Variants in AVPR1A observed in about 807,000 individuals in gnomAD.
AVPR1A encodes arginine vasopressin receptor 1A.
In AVPR1A, 31 loss-of-function variants were observed where a neutral mutation model predicts 31.5. That is an observed-to-expected ratio of 0.99 (90% CI 0.74 to 1.33). AVPR1A has a LOEUF of 1.33. Among genes scored for constraint, AVPR1A ranks in the 40% most tolerant of loss-of-function variants. The pLI is 0.00. For missense variants in AVPR1A, 570 were observed against 575.2 expected (o/e 0.99, Z 0.09); for synonymous variants, 243 against 233.2 (o/e 1.04, Z -0.38).
In AVPR1A at chr12:63,144,526, G is replaced by T. The variant is rs1213429783; in HGVS notation, c.*2833C>A. The T allele has an allele frequency of 1.3e-5, 2 of 152,164 alleles. No individual in the cohort carries two copies. Among genetic ancestry groups the T allele is most frequent in the African/African-American group, 4.8e-5 (2 of 41,438 alleles). The allele number at this position is 152,164 out of a possible 1,614,324, so 9.4% of individuals were successfully genotyped here. On this transcript the variant is annotated 3_prime_UTR_variant, in exon 2 of 2. Coordinates refer to ENST00000299178, the MANE Select transcript of AVPR1A (RefSeq NM_000706.5). ...GCTGCAACACATTTTTTTCTTGACT[G>T]TAAGCTGTTATTTGGCATAATATCT...
In AVPR1A at chr12:63,147,249, T is replaced by C. The variant is rs1592331992; in HGVS notation, c.*110A>G. On this transcript the variant is annotated 3_prime_UTR_variant, in exon 2 of 2. Coordinates refer to ENST00000299178, the MANE Select transcript of AVPR1A (RefSeq NM_000706.5). The stretch of plus-strand genomic sequence containing the variant: ...GAAACACAGTCTCATACACAATGAA[T>C]TGATTTATGGTTATATTAATAAAGT... 3.1e-6 allele frequency: 4 copies of C among 1,289,328 alleles called. No homozygotes were observed. The highest frequency in any genetic ancestry group is 4.8e-5 in the East Asian group (2 of 42,008). The allele number at this position is 1,289,328 out of a possible 1,614,324, so 79.9% of individuals were successfully genotyped here.
chr12:63,150,618 C>T lies in AVPR1A; in HGVS notation c.219G>A (p.Leu73=). The part of the protein sequence containing the change: ...AVAVLGNSSV[L]LALHRTPRKT... ...TGCGCGGCGTCCGGTGCAGAGCCAG[C>T]AGTACGCTGCTGTTGCCCAGCACGG... The change falls in exon 1 of 2, where the codon CTG becomes CTA. Residue 73 remains leucine, a synonymous_variant. Coordinates refer to ENST00000299178, the MANE Select transcript of AVPR1A (RefSeq NM_000706.5). The surrounding 1 kb of genome is among the most constrained non-coding windows in gnomAD (Gnocchi z 4.9). 6.2e-7 allele frequency: 1 copy of T among 1,609,862 alleles called. No homozygotes were observed.
At position 63,145,507 on chromosome 12, in the gene AVPR1A, C is replaced by T. The variant is rs181656632; in HGVS notation, c.*1852G>A. 2.9e-4 allele frequency: 101 copies of T among 353,678 alleles called. No homozygotes were observed. The highest frequency in any genetic ancestry group is 2.0e-3 in the African/African-American group (94 of 46,454). 21.9% of individuals were successfully genotyped at this position (353,678 alleles called of 1,614,324 possible). A position where few individuals can be genotyped will look rare whatever the true frequency, so the allele number is the denominator to read the frequency against. ...GGGTGTGGTGGCACATGCATATAGT[C>T]CCAGCTACTCGGGAGGCTGAGGCAG... On this transcript the variant is annotated 3_prime_UTR_variant, in exon 2 of 2. Coordinates refer to ENST00000299178, the MANE Select transcript of AVPR1A (RefSeq NM_000706.5).
rs1179194197 is a variant in AVPR1A, at chr12:63,146,022, A to G, written c.*1337T>C. 6.6e-6 allele frequency: 1 copy of G among 152,290 alleles called. No individual in the cohort carries two copies. Among genetic ancestry groups the G allele is most frequent in the Non-Finnish European group, 1.5e-5 (1 of 68,098 alleles). 9.4% of individuals were successfully genotyped at this position (152,290 alleles called of 1,614,324 possible). Reference sequence around the variant, plus strand: ...AACCAATTCTAGTTAATGAAAAATAAACTGGAAAACATCTGTGCAATTTTG... The same window carrying G: ...AACCAATTCTAGTTAATGAAAAATAGACTGGAAAACATCTGTGCAATTTTG... On this transcript the variant is annotated 3_prime_UTR_variant, in exon 2 of 2. Transcript: ENST00000299178.
rs563622430 is a variant in AVPR1A, at chr12:63,150,450, G to T, written c.387C>A (p.His129Gln). ...ACGCAAACATGCCGAACACCTGCAG[G>T]TGCTTCACCACGCGGCACAGCCAGT... Reference protein sequence around the residue: ...GPDWLCRVVKHLQVFGMFASA... With the variant: ...GPDWLCRVVKQLQVFGMFASA... The change falls in exon 1 of 2, where the codon CAC (histidine) becomes CAA (glutamine). Residue 129 changes from histidine (H) to glutamine (Q), a missense_variant. Transcript: ENST00000299178. The surrounding 1 kb of genome is among the most constrained non-coding windows in gnomAD (Gnocchi z 4.9). The T allele has an allele frequency of 3.0e-5, 48 of 1,613,500 alleles. No individual in the cohort carries two copies. The highest frequency in any genetic ancestry group is 3.3e-4 in the Middle Eastern group (2 of 6,082).
At position 63,146,471 on chromosome 12, in the gene AVPR1A, T is replaced by C. The variant is rs992248572; in HGVS notation, c.*888A>G. The C allele has an allele frequency of 6.6e-5, 10 of 152,370 alleles. No individual in the cohort carries two copies. In the South Asian group the frequency reaches 1.5e-3, roughly 22 times the overall value. 9.4% of individuals were successfully genotyped at this position (152,370 alleles called of 1,614,324 possible). A position where few individuals can be genotyped will look rare whatever the true frequency, so the allele number is the denominator to read the frequency against. On this transcript the variant is annotated 3_prime_UTR_variant, in exon 2 of 2. Coordinates refer to ENST00000299178, the MANE Select transcript of AVPR1A (RefSeq NM_000706.5). ...AACATGAAGATAATGATCTTGTTAA[T>C]GTCCAGCATAGCACAGGATACCCTT...
At position 63,147,594 on chromosome 12, in the gene AVPR1A, C is replaced by T; in HGVS notation, c.1022G>A (p.Ser341Asn). 1 of 1,614,040 alleles carries T rather than the reference C, an allele frequency of 6.2e-7. No individual in the cohort carries two copies. The highest frequency in any genetic ancestry group is 1.1e-5 in the South Asian group (1 of 91,064). Residue 341 changes from serine to asparagine, a missense_variant, in exon 2 of 2, where the codon AGC (serine) becomes AAC (asparagine). Transcript: ENST00000299178. ...CATGTATATCCAGGGATTACAGCAGCTATTCAAGGAACCCAGTAATGCAGT... is the reference window on the plus strand; with the variant it reads ...CATGTATATCCAGGGATTACAGCAGTTATTCAAGGAACCCAGTAATGCAGT... ...TITALLGSLN[S>N]CCNPWIYMFF...
At position 63,151,131 on chromosome 12, in the gene AVPR1A, CAA is replaced by C; in HGVS notation, c.-297_-296del. The stretch of plus-strand genomic sequence containing the variant: ...TTCCGGAAGCACTGGGTTCCCAACT[CAA>C]GTATTTATGCGGTGCTTGTTTCCTT... On this transcript the variant is annotated 5_prime_UTR_variant, in exon 1 of 2. Transcript: ENST00000299178. 1 of 398,730 alleles carries C rather than the reference CAA, an allele frequency of 2.5e-6. No individual in the cohort carries two copies. Among genetic ancestry groups the C allele is most frequent in the Non-Finnish European group, 4.5e-6 (1 of 221,770 alleles). The allele number at this position is 398,730 out of a possible 1,614,324, so 24.7% of individuals were successfully genotyped here. A position where few individuals can be genotyped will look rare whatever the true frequency, so the allele number is the denominator to read the frequency against.
At chr12:63,149,656 CTTTT>C (rs60306126) in intron 1 of AVPR1A, among the ~76,000 whole-genome samples, 1 of 143,512 alleles carries the variant, frequency 7.0e-6, no homozygotes, top group African/African-American at 2.5e-5. Context: ...CAGGAATATG[CTTTT>C]TTTTTTTTTA....
chr12:63,149,822 A>G, intron 1 of AVPR1A, 45 bp downstream of exon 1: 1 of 1,587,772 alleles, frequency 6.3e-7, no homozygotes, highest in Non-Finnish European at 8.6e-7. Context: ...ACACACACAC[A>G]CACACTCCTA....
chr12:63,150,382 G>C lies in AVPR1A; in HGVS notation c.455C>G (p.Ala152Gly). The C allele has an allele frequency of 6.2e-7, 1 of 1,613,890 alleles. No homozygotes were observed. Among genetic ancestry groups the C allele is most frequent in the Non-Finnish European group, 8.5e-7 (1 of 1,179,980 alleles). The change falls in exon 1 of 2, where the codon GCG becomes GGG. Residue 152 changes from alanine to glycine, a missense_variant. Transcript: ENST00000299178. The surrounding 1 kb of genome is among the most constrained non-coding windows in gnomAD (Gnocchi z 4.9). ...LVVMTADRYI[A>G]VCHPLKTLQQ... The stretch of plus-strand genomic sequence containing the variant: ...CAGAGTCTTGAGCGGGTGGCACACC[G>C]CGATGTAGCGGTCGGCTGTCATGAC...
Position 63,147,473 on chromosome 12 carries a change from C to G in AVPR1A, c.1143G>C (p.Met381Ile). Residue 381 changes from methionine to isoleucine, a missense_variant, in exon 2 of 2, where the codon ATG (methionine) becomes ATC (isoleucine). Transcript: ENST00000299178. ...EKFNKEDTDS[M>I]SRRQTFYSNN... is the part of the protein sequence containing the mutation. Reference sequence around the variant, plus strand: ...TAGAATAAAAAGTCTGTCTTCTGCTCATACTGTCAGTATCTTCTTTGTTGA... The same window carrying G: ...TAGAATAAAAAGTCTGTCTTCTGCTGATACTGTCAGTATCTTCTTTGTTGA... 1 of 1,614,150 alleles carries G rather than the reference C, an allele frequency of 6.2e-7. No homozygotes were observed. Among genetic ancestry groups the G allele is most frequent in the Non-Finnish European group, 8.5e-7 (1 of 1,180,012 alleles).
intron 1 of AVPR1A, among the ~76,000 whole-genome samples, chr12:63,149,325 T>C (rs1868409060): frequency 6.6e-6 from 1 of 152,168 alleles, no homozygotes; most frequent in South Asian, 2.1e-4. Flanking sequence ...TTTCTCCAGC[T>C]TTCTTTAGAA....
Position 63,150,517 on chromosome 12 carries a change from G to T in AVPR1A, c.320C>A (p.Pro107Gln), listed in dbSNP as rs780705756. 2 of 1,612,992 alleles carry T rather than the reference G, an allele frequency of 1.2e-6. No homozygotes were observed. The highest frequency in any genetic ancestry group is 1.7e-5 in the Admixed American group (1 of 59,918). The change falls in exon 1 of 2, where the codon CCG becomes CAG. Residue 107 changes from proline (P) to glutamine (Q), a missense_variant. Transcript: ENST00000299178. The surrounding 1 kb of genome is among the most constrained non-coding windows in gnomAD (Gnocchi z 4.9). ...DLAVAFFQVL[P>Q]QMCWDITYRF... ...GTAGGTGATGTCCCAGCACATTTGC[G>T]GCAGCACCTGGAAGAATGCCACGGC...
At chr12:63,148,203 C>T (rs1868386205) in intron 1 of AVPR1A, among the ~76,000 whole-genome samples, 1 of 152,070 alleles carries the variant, frequency 6.6e-6, no homozygotes, top group African/African-American at 2.4e-5. Context: ...GGAAAACCAT[C>T]TGTGGTTGTG....
chr12:63,143,300 G>A lies in AVPR1A; in HGVS notation c.*4059C>T, dbSNP rs1214291427. On this transcript the variant is annotated 3_prime_UTR_variant, in exon 2 of 2. Coordinates refer to ENST00000299178, the MANE Select transcript of AVPR1A (RefSeq NM_000706.5). ...TTAGAACATAAATCAATGTAAAAAT[G>A]TGGGTATATACATACAAAAATACAT... 2 of 151,844 alleles carry A rather than the reference G, an allele frequency of 1.3e-5. No individual in the cohort carries two copies. The highest frequency in any genetic ancestry group is 2.4e-5 in the African/African-American group (1 of 41,374). The allele number at this position is 151,844 out of a possible 1,614,324, so 9.4% of individuals were successfully genotyped here.
rs903443384 is a variant in AVPR1A at position 63,146,367 on chromosome 12, T to C, written c.*992A>G. ...GTGAGAGATTGGAAAGACAAAGCTA[T>C]TTTTAATTAAACATGTTGGGACACT... On this transcript the variant is annotated 3_prime_UTR_variant, in exon 2 of 2. Coordinates refer to ENST00000299178, the MANE Select transcript of AVPR1A (RefSeq NM_000706.5). 4.6e-5 allele frequency: 7 copies of C among 152,222 alleles called. No individual in the cohort carries two copies. Among genetic ancestry groups the C allele is most frequent in the African/African-American group, 1.7e-4 (7 of 41,460 alleles). The allele number at this position is 152,222 out of a possible 1,614,324, so 9.4% of individuals were successfully genotyped here.
At position 63,146,013 on chromosome 12, in the gene AVPR1A, T is replaced by C. The variant is rs373555512; in HGVS notation, c.*1346A>G. On this transcript the variant is annotated 3_prime_UTR_variant, in exon 2 of 2. Coordinates refer to ENST00000299178, the MANE Select transcript of AVPR1A (RefSeq NM_000706.5). ...CATGAAATGAACCAATTCTAGTTAA[T>C]GAAAAATAAACTGGAAAACATCTGT... is the stretch of plus-strand genomic sequence containing the variant. 212 of 152,360 alleles carry C rather than the reference T, an allele frequency of 1.4e-3. 1 individual carries two copies. The highest frequency in any genetic ancestry group is 4.7e-3 in the African/African-American group (196 of 41,570). 9.4% of individuals were successfully genotyped at this position (152,360 alleles called of 1,614,324 possible).
chr12:63,150,719 C>G lies in AVPR1A; in HGVS notation c.118G>C (p.Gly40Arg), dbSNP rs748303041. 9.3e-6 allele frequency: 15 copies of G among 1,604,466 alleles called. No individual in the cohort carries two copies. Among genetic ancestry groups the G allele is most frequent in the South Asian group, 7.7e-5 (7 of 91,068 alleles). The change falls in exon 1 of 2, where the codon GGC becomes CGC. Residue 40 changes from glycine (G) to arginine (R), a missense_variant. Gly to Arg is a moderately radical substitution (Grantham distance 125). Transcript: ENST00000299178. The surrounding 1 kb of genome is among the most constrained non-coding windows in gnomAD (Gnocchi z 4.9). ...TCGTTGCGCACGTCCCTCGGTGGGC[C>G]GTTGCCCTCCCCGAGGGCTTCGGCC... is the stretch of plus-strand genomic sequence containing the variant. ...REAEALGEGN[G>R]PPRDVRNEEL...
Sources: allele counts gnomAD v4.1 joint callset (sites outside exome capture counted in the v4.1 genomes callset), GRCh38; gene constraint gnomAD v4.1.1; non-coding constraint Gnocchi (gnomAD v3.1); transcripts MANE v1.5; gene names NCBI Gene and HGNC (gene_info 2026-07-23, HGNC 2026-07-21).